CFAP61: variants seen among roughly 807,000 people sequenced by gnomAD.
The protein encoded by CFAP61 is cilia and flagella associated protein 61, also known as cilia- and flagella-associated protein 61.
In CFAP61, 107 loss-of-function variants were observed where a neutral mutation model predicts 135.6. That is an observed-to-expected ratio of 0.79 (90% CI 0.67 to 0.93). The LOEUF is 0.93. CFAP61 is among the 40% of genes least tolerant of loss of function. The pLI, the probability that CFAP61 is intolerant of heterozygous loss-of-function variation, is 0.00. For synonymous variants in CFAP61, 575 were observed against 578.5 expected, an observed-to-expected ratio of 0.99 and a Z score of 0.09; for missense variants, 1,507 against 1,556.2, an observed-to-expected ratio of 0.97 and a Z score of 0.53.
At chr20:20,054,562 G>A (rs1001357297) in intron 1 of CFAP61, among the ~76,000 whole-genome samples, 2 of 152,128 alleles carry the variant, frequency 1.3e-5, no homozygotes, top group African/African-American at 2.4e-5. Flanking sequence ...AAATTTTGTG[G>A]GAATACATTC....
chr20:20,322,421 A>G (rs2057565311), intron 25 of CFAP61, among the ~76,000 whole-genome samples: 1 of 152,158 alleles, frequency 6.6e-6, no homozygotes, highest in Admixed American at 6.5e-5. Flanking sequence ...GCGGATTCCA[A>G]CAAACCTCAA....
At chr20:20,221,537 G>A (rs1402421747) in intron 17 of CFAP61, among the ~76,000 whole-genome samples, 1 of 152,142 alleles carries the variant, frequency 6.6e-6, no homozygotes, top group Non-Finnish European at 1.5e-5. Flanking sequence ...TGAGAGTCCT[G>A]AACAGCATGT....
intron 9 of CFAP61, among the ~76,000 whole-genome samples, chr20:20,158,075 A>C (rs1327495806): frequency 2.1e-5 from 3 of 143,686 alleles, no homozygotes; most frequent in African/African-American, 2.6e-5. Context: ...GGAATATCAC[A>C]CTCTGGGGAC....
intron 20 of CFAP61, among the ~76,000 whole-genome samples, chr20:20,253,032 T>C (rs1462372689): frequency 1.3e-5 from 2 of 152,238 alleles, no homozygotes; most frequent in Non-Finnish European, 2.9e-5. Context: ...ATTCCTCATC[T>C]ATACCTTAGA....
Position 20,247,917 on chromosome 20 carries a change from C to T in CFAP61, c.2159+1702C>T, listed in dbSNP as rs1321833955. ...ACACACTCCAGTCCCTCATACTCTG[C>T]TCTGTTTTTTTCTTGCTACTTAAAT... On this transcript the variant is annotated intron_variant, in intron 19 of 26. Coordinates refer to ENST00000245957, the MANE Select transcript of CFAP61 (RefSeq NM_015585.4). Among the ~76,000 whole-genome samples, 3 of 152,186 alleles carry T rather than the reference C, an allele frequency of 2.0e-5. No individual in the cohort carries two copies. The East Asian group carries it at 5.8e-4, about 29-fold the overall frequency.
intron 10 of CFAP61, among the ~76,000 whole-genome samples, chr20:20,160,425 A>C (rs1156564884): frequency 2.6e-5 from 4 of 152,178 alleles, no homozygotes; most frequent in Non-Finnish European, 5.9e-5. Context: ...GAAGGAGTCT[A>C]CCCAGAAGTC....
intron 18 of CFAP61, among the ~76,000 whole-genome samples, chr20:20,240,142 G>T (rs2049913271): frequency 6.6e-6 from 1 of 152,214 alleles, no homozygotes; most frequent in African/African-American, 2.4e-5. Context: ...CCTGGAGCAT[G>T]CCAGTTAGGG....
At chr20:20,251,913 GC>G (rs79016024) in intron 20 of CFAP61, 150 bp downstream of exon 20, 2 of 769,568 alleles carry the variant, frequency 2.6e-6, no homozygotes, top group East Asian at 5.3e-5. Context: ...ACCCTTCAGG[GC>G]CCGCACACAT....
chr20:20,149,377 G>A (rs1199261072), intron 9 of CFAP61, among the ~76,000 whole-genome samples: 1 of 152,210 alleles, frequency 6.6e-6, no homozygotes, highest in Non-Finnish European at 1.5e-5. Context: ...CTCCCACTTG[G>A]ATGGACAAAA....
At chr20:20,322,308 GAA>G (rs2057557062) in intron 25 of CFAP61, among the ~76,000 whole-genome samples, 1 of 152,164 alleles carries the variant, frequency 6.6e-6, no homozygotes, top group South Asian at 2.1e-4. Flanking sequence ...ATACATAACT[GAA>G]ATGCTCGGAT....
chr20:20,111,935 T>C (rs932963964), intron 8 of CFAP61, among the ~76,000 whole-genome samples: 1 of 152,206 alleles, frequency 6.6e-6, no homozygotes, highest in South Asian at 2.1e-4. Context: ...TTTTGGAATA[T>C]ATGATATAAT....
Position 20,098,699 on chromosome 20 carries a change from G to A in CFAP61, c.744G>A (p.Val248=), listed in dbSNP as rs1285510000. The part of the protein sequence containing the change: ...AVGFMSVCSR[V]NMQLLHECFD... ...GGTTCATGAGTGTGTGCTCAAGAGT[G>A]AACATGCAACTGCTGCATGAGTGCT... The change falls in exon 8 of 27, where the codon GTG becomes GTA. Residue 248 remains valine (V), a synonymous_variant. Transcript: ENST00000245957. The A allele has an allele frequency of 6.2e-7, 1 of 1,613,352 alleles. No homozygotes were observed.
intron 6 of CFAP61, among the ~76,000 whole-genome samples, chr20:20,087,441 A>G (rs1293332260): frequency 1.3e-5 from 2 of 152,200 alleles, no homozygotes; most frequent in African/African-American, 2.4e-5. Flanking sequence ...TTCAGCTGCA[A>G]CCATGTTGCT....
intron 13 of CFAP61, 44 bp downstream of exon 13, chr20:20,169,504 CA>C: frequency 6.6e-7 from 1 of 1,511,948 alleles, no homozygotes; most frequent in Non-Finnish European, 8.9e-7. Flanking sequence ...CATGAAATTA[CA>C]GAAGAGAAGG....
intron 8 of CFAP61, among the ~76,000 whole-genome samples, chr20:20,128,259 G>A (rs943100744): frequency 2.6e-5 from 4 of 151,592 alleles, no homozygotes; most frequent in African/African-American, 7.3e-5. Context: ...CCTTCTCCCC[G>A]TGGTGTTTTT....
chr20:20,130,072 G>C (rs2050391799), intron 8 of CFAP61, among the ~76,000 whole-genome samples: 1 of 151,706 alleles, frequency 6.6e-6, no homozygotes, highest in Non-Finnish European at 1.5e-5. Flanking sequence ...GGCAGATCAT[G>C]AGGTCAGGAG....
At chr20:20,074,171 A>G in intron 3 of CFAP61, 131 bp from the exon 4 acceptor site, 1 of 730,504 alleles carries the variant, frequency 1.4e-6, no homozygotes, top group Admixed American at 2.0e-5. Flanking sequence ...CATCACTTAG[A>G]CATAAAATAT....
chr20:20,290,253 C>A, intron 23 of CFAP61, 47 bp from the exon 24 acceptor site: 3 of 1,173,866 alleles, frequency 2.6e-6, no homozygotes, highest in Non-Finnish European at 3.9e-6. Context: ...CTGTTACTCA[C>A]CTCATTAACA....
intron 25 of CFAP61, among the ~76,000 whole-genome samples, chr20:20,326,904 A>G (rs1177788852): frequency 6.6e-6 from 1 of 152,208 alleles, no homozygotes; most frequent in African/African-American, 2.4e-5. Context: ...CATTTATAAA[A>G]TGGAATATTA....
Sources: gnomAD v4.1 joint callset for allele counts (sites outside exome capture counted in the v4.1 genomes callset) on GRCh38, gnomAD v4.1.1 for gene constraint, MANE v1.5 for transcripts, NCBI Gene and HGNC (gene_info 2026-07-23, HGNC 2026-07-21) for gene names.